The following GPATCH11 variants were observed in gnomAD, a reference collection of about 807,000 sequenced individuals.
GPATCH11 encodes the protein G patch domain-containing protein 11.
In GPATCH11, 32 loss-of-function variants were observed where a neutral mutation model predicts 44.8. That is an observed-to-expected ratio of 0.71 (90% CI 0.54 to 0.96). The LOEUF (loss-of-function observed/expected upper bound fraction) is 0.96. Ranked by LOEUF, GPATCH11 falls within the 40% of genes least tolerant of loss-of-function variation. The pLI, the probability that GPATCH11 is intolerant of heterozygous loss-of-function variation, is 0.00. For synonymous variants in GPATCH11, 84 were observed against 94.4 expected, an observed-to-expected ratio of 0.89 and a Z score of 0.64; for missense variants, 324 against 303.1, an observed-to-expected ratio of 1.07 and a Z score of -0.51.
intron 7 of GPATCH11, chr2:37,094,425 G>T (rs6726403): frequency 0.043 from 16,247 of 382,260 alleles, 433 homozygotes; most frequent in Non-Finnish European, 0.057. Flanking sequence ...CTGGTTGAGA[G>T]GTACTGCATT....
chr2:37,096,272 C>T lies in GPATCH11; in HGVS notation c.*9C>T. 1 of 1,553,052 alleles carries T rather than the reference C, an allele frequency of 6.4e-7. No homozygotes were observed. Among genetic ancestry groups the T allele is most frequent in the South Asian group, 1.2e-5 (1 of 83,756 alleles). The stretch of plus-strand genomic sequence containing the variant: ...CTGCAGATCATGACTAAGATTATTC[C>T]CAATAAAGTGGAAACTTGAAAAATG... On this transcript the variant is annotated 3_prime_UTR_variant, in exon 9 of 9. Coordinates refer to ENST00000674370, the MANE Select transcript of GPATCH11 (RefSeq NM_174931.4).
At position 37,094,316 on chromosome 2, in the gene GPATCH11, C is replaced by G. The variant is rs183383840; in HGVS notation, c.654+121C>G. The G allele has an allele frequency of 6.3e-6, 4 of 637,718 alleles. No individual in the cohort carries two copies. The East Asian group carries it at 1.2e-4, about 18-fold the overall frequency. 39.5% of individuals were successfully genotyped at this position (637,718 alleles called of 1,614,324 possible). On this transcript the variant is annotated intron_variant, in intron 7 of 8. Coordinates refer to ENST00000674370, the MANE Select transcript of GPATCH11 (RefSeq NM_174931.4). ...TGCATTGCAAGATGTTTAGCAGCAT[C>G]TCTGGCCCCTGCCCACCAGATACCA...
Position 37,092,200 on chromosome 2 carries a change from T to C in GPATCH11, c.485T>C (p.Leu162Pro), listed in dbSNP as rs763734220. The C allele has an allele frequency of 5.1e-6, 8 of 1,560,684 alleles. No homozygotes were observed. Among genetic ancestry groups the C allele is most frequent in the Non-Finnish European group, 6.9e-6 (8 of 1,158,986 alleles). The part of the protein sequence containing the change: ...RLKNKQDEMK[L>P]EGDLRRSQRA... Reference sequence around the variant, plus strand: ...AAAAATAAGCAAGATGAAATGAAGCTAGAAGGAGATCTCAGAAGAAGCCAG... The same window carrying C: ...AAAAATAAGCAAGATGAAATGAAGCCAGAAGGAGATCTCAGAAGAAGCCAG... The change falls in exon 6 of 9, where the codon CTA (leucine) becomes CCA (proline). Residue 162 changes from leucine (L) to proline (P), a missense_variant. By Grantham distance (98) the Leu-to-Pro change is moderately conservative. Transcript: ENST00000674370.
chr2:37,090,727 G>A lies in GPATCH11; in HGVS notation c.328+5G>A, dbSNP rs963811240. On this transcript the variant is annotated splice_donor_5th_base_variant and intron_variant, in intron 4 of 8. Transcript: ENST00000674370. ...TTCCTCTCAATATCAAAACAGGTACGTAATTATTTTGGAGCATATTTGCCA... is the reference window on the plus strand; with the variant it reads ...TTCCTCTCAATATCAAAACAGGTACATAATTATTTTGGAGCATATTTGCCA... The A allele has an allele frequency of 5.3e-6, 7 of 1,329,668 alleles. No individual in the cohort carries two copies. Among genetic ancestry groups the A allele is most frequent in the Non-Finnish European group, 7.4e-6 (7 of 951,440 alleles). 82.4% of individuals were successfully genotyped at this position (1,329,668 alleles called of 1,614,324 possible).
At chr2:37,089,535 A>G (rs1673205471) in intron 2 of GPATCH11, 105 bp from the exon 3 acceptor site, 3 of 822,778 alleles carry the variant, frequency 3.6e-6, no homozygotes, top group Non-Finnish European at 1.9e-6. Flanking sequence ...CCATTGCATT[A>G]CAGCCCGGGC....
chr2:37,084,519 T>A lies in GPATCH11; in HGVS notation c.-65T>A. The A allele has an allele frequency of 4.1e-6, 5 of 1,232,550 alleles. No individual in the cohort carries two copies. In the South Asian group the frequency reaches 2.1e-4, roughly 51 times the overall value. The allele number at this position is 1,232,550 out of a possible 1,614,324, so 76.4% of individuals were successfully genotyped here. On this transcript the variant is annotated 5_prime_UTR_variant, in exon 1 of 9. The change abolishes an upstream ATG in the 5' untranslated region. Transcript: ENST00000674370. ...AGTCCGACGCTGGTCGGTGGGCGCA[T>A]GCGCAGCGCGCGCTCTACGGCGCTG...
intron 1 of GPATCH11, among the ~76,000 whole-genome samples, chr2:37,087,133 A>G (rs1673087411): frequency 6.6e-6 from 1 of 152,122 alleles, no homozygotes; most frequent in African/African-American, 2.4e-5. Context: ...CAACCCATAT[A>G]TTCATATAAT....
chr2:37,093,890 C>T (rs1010701561), intron 6 of GPATCH11, among the ~76,000 whole-genome samples, 192 bp from the exon 7 acceptor site: 5 of 152,116 alleles, frequency 3.3e-5, no homozygotes, highest in Admixed American at 1.3e-4. Flanking sequence ...CTCTTGACCT[C>T]GTGATCCACC....
At chr2:37,094,503 C>T (rs1029727941) in intron 7 of GPATCH11, among the ~76,000 whole-genome samples, 3 of 152,120 alleles carry the variant, frequency 2.0e-5, no homozygotes, top group African/African-American at 2.4e-5. Context: ...TCCATTTGTC[C>T]TCTCATCTCA....
intron 1 of GPATCH11, 24 bp downstream of exon 1, chr2:37,084,594 T>C: frequency 4.1e-6 from 5 of 1,227,106 alleles, no homozygotes; most frequent in South Asian, 4.2e-5. Flanking sequence ...CAGGTAAGGG[T>C]CTGGGGACAA....
Position 37,098,598 on chromosome 2 carries a change from A to G in GPATCH11, c.*2335A>G, listed in dbSNP as rs1673713473. 1 of 152,206 alleles carries G rather than the reference A, an allele frequency of 6.6e-6. No individual in the cohort carries two copies. 9.4% of individuals were successfully genotyped at this position (152,206 alleles called of 1,614,324 possible). ...TGCTCAGTGGCCTAAAATATTTTAAATATGTTCATGACAATTATGCTGAGA... is the reference window on the plus strand; with the variant it reads ...TGCTCAGTGGCCTAAAATATTTTAAGTATGTTCATGACAATTATGCTGAGA... On this transcript the variant is annotated 3_prime_UTR_variant, in exon 9 of 9. Transcript: ENST00000674370.
chr2:37,089,581 A>T (rs1311359505), intron 2 of GPATCH11, 59 bp from the exon 3 acceptor site: 5 of 1,260,670 alleles, frequency 4.0e-6, no homozygotes, highest in South Asian at 1.4e-5. Flanking sequence ...AAATAAAAAA[A>T]AAAAAAAAGA....
Position 37,092,208 on chromosome 2 carries a change from G to C in GPATCH11, c.493G>C (p.Asp165His). 6.5e-7 allele frequency: 1 copy of C among 1,548,864 alleles called. No individual in the cohort carries two copies. The highest frequency in any genetic ancestry group is 1.3e-5 in the South Asian group (1 of 77,950). The change falls in exon 6 of 9, where the codon GAT becomes CAT. Residue 165 changes from aspartate to histidine, a missense_variant. Coordinates refer to ENST00000674370, the MANE Select transcript of GPATCH11 (RefSeq NM_174931.4). ...GCAAGATGAAATGAAGCTAGAAGGA[G>C]ATCTCAGAAGAAGCCAGCGAGCCTG... ...NKQDEMKLEGDLRRSQRACQQ... is the reference protein window; with the variant it reads ...NKQDEMKLEGHLRRSQRACQQ...
rs1001903623 is a variant in GPATCH11 at position 37,098,517 on chromosome 2, G to GAGTT, written c.*2257_*2260dup. 5.9e-5 allele frequency: 9 copies of GAGTT among 152,048 alleles called. No individual in the cohort carries two copies. The highest frequency in any genetic ancestry group is 2.2e-4 in the African/African-American group (9 of 41,412). 9.4% of individuals were successfully genotyped at this position (152,048 alleles called of 1,614,324 possible). A position where few individuals can be genotyped will look rare whatever the true frequency, so the allele number is the denominator to read the frequency against. ...CAAATGGATAATTTCAGATGGAATG[G>GAGTT]AGTTAGACAGGAACTGGCTTCCCTT... On this transcript the variant is annotated 3_prime_UTR_variant, in exon 9 of 9. Coordinates refer to ENST00000674370, the MANE Select transcript of GPATCH11 (RefSeq NM_174931.4).
Position 37,095,444 on chromosome 2 carries a change from A to G in GPATCH11, c.662A>G (p.Glu221Gly). 6.2e-7 allele frequency: 1 copy of G among 1,605,656 alleles called. No homozygotes were observed. Among genetic ancestry groups the G allele is most frequent in the Non-Finnish European group, 8.5e-7 (1 of 1,176,498 alleles). The change falls in exon 8 of 9, where the codon GAA (glutamate) becomes GGA (glycine). Residue 221 changes from glutamate (E) to glycine (G), a missense_variant. Coordinates refer to ENST00000674370, the MANE Select transcript of GPATCH11 (RefSeq NM_174931.4). ...EYKSEDLSVLEKLQILTSYLR... is the reference protein window; with the variant it reads ...EYKSEDLSVLGKLQILTSYLR... ...TGTGCTTGTATCCTATAGGTACTGGAAAAATTACAAATATTGACTAGTTAT... is the reference window on the plus strand; with the variant it reads ...TGTGCTTGTATCCTATAGGTACTGGGAAAATTACAAATATTGACTAGTTAT...
At position 37,089,784 on chromosome 2, in the gene GPATCH11, G is replaced by C; in HGVS notation, c.204G>C (p.Lys68Asn). 3.9e-6 allele frequency: 6 copies of C among 1,551,884 alleles called. No homozygotes were observed. Among genetic ancestry groups the C allele is most frequent in the Non-Finnish European group, 5.2e-6 (6 of 1,147,020 alleles). Residue 68 changes from lysine to asparagine, a missense_variant, in exon 3 of 9, where the codon AAG (lysine) becomes AAC (asparagine). Coordinates refer to ENST00000674370, the MANE Select transcript of GPATCH11 (RefSeq NM_174931.4). ...EEQERRDIGL[K>N]NALGCENKGF... ...AAGAAAGACGTGACATTGGGTTGAA[G>C]AATGCACTAGGCTGTGAAAACAAAG...
intron 7 of GPATCH11, among the ~76,000 whole-genome samples, chr2:37,094,684 G>T (rs1290500542): frequency 6.6e-6 from 1 of 152,206 alleles, no homozygotes; most frequent in Non-Finnish European, 1.5e-5. Context: ...GCTCACACCT[G>T]TAATCCAAAC....
chr2:37,088,456 CACCCA>C lies in GPATCH11; in HGVS notation c.59+17_59+21del. 4 of 1,256,920 alleles carry C rather than the reference CACCCA, an allele frequency of 3.2e-6. No homozygotes were observed. Among genetic ancestry groups the C allele is most frequent in the Non-Finnish European group, 4.6e-6 (4 of 865,962 alleles). The allele number at this position is 1,256,920 out of a possible 1,614,324, so 77.9% of individuals were successfully genotyped here. ...TTAATGTCCAGTAAGTAAATGTGCA[CACCCA>C]GTGCAATGATATGTATAAGATGTGT... On this transcript the variant is annotated intron_variant, in intron 2 of 8. Transcript: ENST00000674370.
At chr2:37,092,481 T>C (rs1253264129) in intron 6 of GPATCH11, among the ~76,000 whole-genome samples, 1 of 130,472 alleles carries the variant, frequency 7.7e-6, no homozygotes, top group African/African-American at 2.6e-5. Context: ...ATATATATAA[T>C]ATATATATTA....
Sources: gnomAD v4.1 joint callset for allele counts (sites outside exome capture counted in the v4.1 genomes callset) on GRCh38, gnomAD v4.1.1 for gene constraint, MANE v1.5 for transcripts, NCBI Gene and HGNC (gene_info 2026-07-23, HGNC 2026-07-21) for gene names.